CTNND2: variants seen among roughly 807,000 people sequenced by gnomAD.
CTNND2 encodes the protein catenin delta 2.
Under a neutral mutation model 144.4 loss-of-function variants are expected in CTNND2, and 22 were observed. The observed-to-expected ratio is 0.15, with a 90% CI of 0.11 to 0.22. The LOEUF is 0.22. CTNND2 is among the 10% of genes least tolerant of loss of function. The probability of loss-of-function intolerance (pLI) is 1.00; values close to 1 mark genes in which losing one functional copy is unlikely to be tolerated. For missense variants in CTNND2, 1,353 were observed against 1,618.8 expected, an observed-to-expected ratio of 0.84 and a Z score of 2.82; for synonymous variants, 751 against 695.6, an observed-to-expected ratio of 1.08 and a Z score of -1.25.
At chr5:11,563,881 G>A (rs544297025) in intron 3 of CTNND2, among the ~76,000 whole-genome samples, 1 of 152,272 alleles carries the variant, frequency 6.6e-6, no homozygotes, top group South Asian at 2.1e-4. Context: ...TTATTCTTTT[G>A]TGGCAGCAGG....
At chr5:11,175,125 A>T (rs16901357) in intron 11 of CTNND2, among the ~76,000 whole-genome samples, 5 of 151,032 alleles carry the variant, frequency 3.3e-5, no homozygotes, top group African/African-American at 9.7e-5. Flanking sequence ...GATTGCTTCT[A>T]TTTTTTTTTA....
Position 11,017,965 on chromosome 5 carries a change from C to G in CTNND2, c.3084+9G>C. On this transcript the variant is annotated intron_variant, in intron 18 of 21. Coordinates refer to ENST00000304623, the MANE Select transcript of CTNND2 (RefSeq NM_001332.4). ...TTTGGACTCAGGGCCCAGGTGAAGC[C>G]AGCCTTACCTTTTTGTAGAGACTCC... The G allele has an allele frequency of 6.2e-7, 1 of 1,611,300 alleles. No individual in the cohort carries two copies. Among genetic ancestry groups the G allele is most frequent in the Non-Finnish European group, 8.5e-7 (1 of 1,177,710 alleles).
intron 3 of CTNND2, among the ~76,000 whole-genome samples, chr5:11,470,228 G>T (rs1393378088): frequency 6.6e-6 from 1 of 152,134 alleles, no homozygotes; most frequent in Non-Finnish European, 1.5e-5. Flanking sequence ...CTGAGGTCAG[G>T]AGTTCGAGAC....
chr5:11,536,949 G>A (rs981569438), intron 3 of CTNND2, among the ~76,000 whole-genome samples: 26 of 152,050 alleles, frequency 1.7e-4, no homozygotes, highest in African/African-American at 6.3e-4. Flanking sequence ...CATTCTCAAA[G>A]TGTGATTTCC....
At chr5:10,984,697 A>G (rs1243485032) in intron 20 of CTNND2, among the ~76,000 whole-genome samples, 1 of 152,196 alleles carries the variant, frequency 6.6e-6, no homozygotes, top group Non-Finnish European at 1.5e-5. Flanking sequence ...GGACTCACAG[A>G]AGAATGCCTT....
chr5:11,665,305 C>T (rs540457443), intron 2 of CTNND2, among the ~76,000 whole-genome samples: 3 of 152,268 alleles, frequency 2.0e-5, no homozygotes, highest in Admixed American at 2.0e-4. Context: ...GTTATTCCAT[C>T]CAGCTGCTTC....
At chr5:11,530,974 T>C (rs1773699597) in intron 3 of CTNND2, among the ~76,000 whole-genome samples, 1 of 152,204 alleles carries the variant, frequency 6.6e-6, no homozygotes, top group African/African-American at 2.4e-5. Context: ...TCAATTGCTC[T>C]GCAGACAATA....
intron 5 of CTNND2, among the ~76,000 whole-genome samples, chr5:11,405,771 GT>G (rs1761042197): frequency 6.6e-6 from 1 of 151,734 alleles, no homozygotes; most frequent in Admixed American, 6.6e-5. Context: ...TATACCCGAG[GT>G]AGGGGGGGAA....
chr5:11,809,835 C>T (rs1025916653), intron 1 of CTNND2, among the ~76,000 whole-genome samples: 3 of 152,296 alleles, frequency 2.0e-5, no homozygotes, highest in African/African-American at 7.2e-5. Context: ...TCTGAGAAGT[C>T]ACTGCGGTCC....
chr5:11,879,354 T>TATAC (rs1553988813), intron 1 of CTNND2, among the ~76,000 whole-genome samples: 1 of 139,728 alleles, frequency 7.2e-6, no homozygotes, highest in Non-Finnish European at 1.6e-5. Flanking sequence ...TATATATATA[T>TATAC]ATACATATAC....
chr5:11,684,097 T>C (rs145431779), intron 2 of CTNND2, among the ~76,000 whole-genome samples: 3,415 of 151,956 alleles, frequency 0.022, 45 homozygotes, highest in East Asian at 0.057. Context: ...TTTATTTTTA[T>C]TTTTATTTTT....
At chr5:11,851,602 G>A (rs1795016152) in intron 1 of CTNND2, among the ~76,000 whole-genome samples, 1 of 152,136 alleles carries the variant, frequency 6.6e-6, no homozygotes, top group Non-Finnish European at 1.5e-5. Context: ...ATTAAACCAC[G>A]CCTACCCAGG....
intron 2 of CTNND2, among the ~76,000 whole-genome samples, chr5:11,690,996 T>C (rs909607701): frequency 6.6e-6 from 1 of 152,154 alleles, no homozygotes; most frequent in Admixed American, 6.5e-5. Flanking sequence ...AGCTGCATTG[T>C]TTTGTATTTG....
intron 15 of CTNND2, among the ~76,000 whole-genome samples, chr5:11,096,783 G>A (rs1390434541): frequency 6.7e-6 from 1 of 150,352 alleles, no homozygotes; most frequent in Non-Finnish European, 1.5e-5. Flanking sequence ...GACAGAGGGA[G>A]GGAGGAAGAG....
At chr5:11,857,285 G>C (rs1795295399) in intron 1 of CTNND2, among the ~76,000 whole-genome samples, 1 of 152,198 alleles carries the variant, frequency 6.6e-6, no homozygotes, top group South Asian at 2.1e-4. Context: ...GCCATATCAA[G>C]GTACAAAGCT....
chr5:11,590,671 G>A (rs1037004159), intron 2 of CTNND2, among the ~76,000 whole-genome samples: 2 of 150,430 alleles, frequency 1.3e-5, no homozygotes, highest in African/African-American at 4.9e-5. Context: ...CCCCACCCTT[G>A]TGACAATACA....
At chr5:11,504,307 G>A (rs1030991898) in intron 3 of CTNND2, among the ~76,000 whole-genome samples, 2 of 152,188 alleles carry the variant, frequency 1.3e-5, no homozygotes, top group African/African-American at 4.8e-5. Context: ...CGATGACTCA[G>A]CGTAATGTTA....
chr5:11,346,767 T>C, intron 8 of CTNND2, 140 bp from the exon 9 acceptor site: 1 of 787,334 alleles, frequency 1.3e-6, no homozygotes. Context: ...TAATCCATCA[T>C]ATTTGAACCA....
intron 1 of CTNND2, among the ~76,000 whole-genome samples, chr5:11,787,350 A>C (rs1019456714): frequency 6.6e-6 from 1 of 152,234 alleles, no homozygotes; most frequent in Non-Finnish European, 1.5e-5. Context: ...CATAAATCAT[A>C]GGTAAAATAA....
Sources: gnomAD v4.1 joint callset for allele counts (sites outside exome capture counted in the v4.1 genomes callset) on GRCh38, gnomAD v4.1.1 for gene constraint, MANE v1.5 for transcripts, NCBI Gene and HGNC (gene_info 2026-07-23, HGNC 2026-07-21) for gene names.